TBXAS1: variants seen among roughly 807,000 people sequenced by gnomAD.
The protein encoded by TBXAS1 is thromboxane A synthase 1.
In TBXAS1, 48 loss-of-function variants were observed where a neutral mutation model predicts 60.7. That is an observed-to-expected ratio of 0.79 (90% CI 0.63 to 1.01). The LOEUF is 1.01. Among genes scored for constraint, TBXAS1 ranks in the 50% least tolerant of loss-of-function variants. The pLI is 0.00. For synonymous variants in TBXAS1, 287 were observed against 269.7 expected (o/e 1.06, Z -0.63); for missense variants, 685 against 686.3 (o/e 1.00, Z 0.02).
intron 6 of TBXAS1, 45 bp downstream of exon 6, chr7:139,953,501 C>T (rs1173150739): frequency 6.4e-7 from 1 of 1,561,320 alleles, no homozygotes; most frequent in Non-Finnish European, 8.8e-7. Flanking sequence ...TTTTGAATCA[C>T]TGCTTCTTGT....
intron 4 of TBXAS1, among the ~76,000 whole-genome samples, chr7:139,822,122 G>C (rs1339675119): frequency 6.6e-6 from 1 of 152,164 alleles, no homozygotes; most frequent in African/African-American, 2.4e-5. Flanking sequence ...ATCATTTTGG[G>C]TTCTAAGATT....
chr7:139,895,235 G>A (rs565971003), intron 3 of TBXAS1, among the ~76,000 whole-genome samples: 1 of 152,354 alleles, frequency 6.6e-6, no homozygotes, highest in East Asian at 1.9e-4. Context: ...GGGAATGGAA[G>A]TTGTGGCTGG....
At chr7:139,979,946 C>T (rs951022843) in intron 9 of TBXAS1, among the ~76,000 whole-genome samples, 5 of 150,820 alleles carry the variant, frequency 3.3e-5, no homozygotes, top group Admixed American at 6.6e-5. Flanking sequence ...TTTTTCCTCA[C>T]GTAAAATCCA....
At chr7:139,805,689 T>C (rs1797836441) in intron 4 of TBXAS1, among the ~76,000 whole-genome samples, 1 of 34,834 alleles carries the variant, frequency 2.9e-5, no homozygotes, top group South Asian at 1.4e-3. Flanking sequence ...TTTCTTTCTT[T>C]CTTTCTTTCT....
At chr7:139,991,442 C>A (rs1031543474) in intron 9 of TBXAS1, among the ~76,000 whole-genome samples, 1 of 151,962 alleles carries the variant, frequency 6.6e-6, no homozygotes, top group Non-Finnish European at 1.5e-5. Flanking sequence ...CACCCCAGAA[C>A]AATGCTCTGT....
intron 1 of TBXAS1, among the ~76,000 whole-genome samples, chr7:139,868,178 T>C (rs1259660471): frequency 4.6e-5 from 7 of 152,228 alleles, no homozygotes; most frequent in African/African-American, 1.4e-4. Flanking sequence ...AGGAAACCCA[T>C]TGTAAACATC....
chr7:139,960,690 G>A (rs1237491900), intron 8 of TBXAS1, among the ~76,000 whole-genome samples: 4 of 149,354 alleles, frequency 2.7e-5, no homozygotes, highest in African/African-American at 9.9e-5. Flanking sequence ...AGGTTGCAGT[G>A]AGCCAAGATC....
chr7:139,956,658 G>A (rs932990866), intron 7 of TBXAS1, among the ~76,000 whole-genome samples: 4 of 152,216 alleles, frequency 2.6e-5, no homozygotes, highest in Non-Finnish European at 5.9e-5. Context: ...TCACCTCACT[G>A]GCTCCGCCCT....
rs577924791 is a variant in TBXAS1 at position 139,975,019 on chromosome 7, T to C, written c.1134+12786T>C. On this transcript the variant is annotated intron_variant, in intron 9 of 12. Coordinates refer to ENST00000448866, the MANE Select transcript of TBXAS1 (RefSeq NM_001061.7). This position sits in a 1 kb window ranked among gnomAD's most constrained non-coding sequence, Gnocchi z 4.4. The stretch of plus-strand genomic sequence containing the variant: ...CATGTAATTTATGGAGTTTGGCAAG[T>C]GTGAAGTCTGCAGGGCAGGCTGGCA... Among the ~76,000 whole-genome samples, 1 of 152,152 alleles carries C rather than the reference T, an allele frequency of 6.6e-6. No individual in the cohort carries two copies. Among genetic ancestry groups the C allele is most frequent in the African/African-American group, 2.4e-5 (1 of 41,420 alleles).
At chr7:139,884,462 C>T (rs2299889) in intron 3 of TBXAS1, among the ~76,000 whole-genome samples, 65,896 of 151,988 alleles carry the variant, frequency 0.43, 14,387 homozygotes, top group South Asian at 0.56. Flanking sequence ...TCCCAGGGAG[C>T]TGGAGCAGCA....
chr7:139,927,276 G>A (rs935775348), intron 4 of TBXAS1, among the ~76,000 whole-genome samples: 1 of 151,874 alleles, frequency 6.6e-6, no homozygotes, highest in African/African-American at 2.4e-5. Flanking sequence ...TTACAGGCAT[G>A]AAAATAGACA....
At chr7:139,787,856 G>A (rs1410196472) in intron 4 of TBXAS1, among the ~76,000 whole-genome samples, 1 of 152,104 alleles carries the variant, frequency 6.6e-6, no homozygotes, top group Admixed American at 6.5e-5. Flanking sequence ...GTTTTTAAAT[G>A]TATTGAATAA....
At chr7:139,908,077 A>C (rs1805245414) in intron 3 of TBXAS1, among the ~76,000 whole-genome samples, 1 of 151,230 alleles carries the variant, frequency 6.6e-6, no homozygotes, top group African/African-American at 2.4e-5. Context: ...AGGTTTATCC[A>C]TTTTATTGAT....
At chr7:139,962,331 T>C (rs1810439706) in intron 9 of TBXAS1, 98 bp downstream of exon 9, 38 of 1,406,138 alleles carry the variant, frequency 2.7e-5, no homozygotes, top group Non-Finnish European at 3.8e-5. Flanking sequence ...CTTGCTAATA[T>C]CACATTCTAA....
At chr7:139,964,511 C>T (rs1419555432) in intron 9 of TBXAS1, among the ~76,000 whole-genome samples, 5 of 152,210 alleles carry the variant, frequency 3.3e-5, no homozygotes, top group African/African-American at 9.6e-5. Context: ...GGGAAGGTGA[C>T]TTCTCAAGGG....
chr7:139,934,417 A>C lies in TBXAS1; in HGVS notation c.334-1774A>C, dbSNP rs909813563. On this transcript the variant is annotated intron_variant, in intron 4 of 12. Coordinates refer to ENST00000448866, the MANE Select transcript of TBXAS1 (RefSeq NM_001061.7). ...TGGCCAGGCTGGTCTCAAACTCCTGACCTCAGGTGATCCACCCGCCTCAGC... is the reference window on the plus strand; with the variant it reads ...TGGCCAGGCTGGTCTCAAACTCCTGCCCTCAGGTGATCCACCCGCCTCAGC... Among the ~76,000 whole-genome samples, 101 of 151,962 alleles carry C rather than the reference A, an allele frequency of 6.6e-4. 1 individual carries two copies. Among genetic ancestry groups the C allele is most frequent in the South Asian group, 4.6e-3 (22 of 4,788 alleles).
At chr7:139,884,356 G>GACAT (rs1221752794) in intron 3 of TBXAS1, among the ~76,000 whole-genome samples, 5 of 152,226 alleles carry the variant, frequency 3.3e-5, no homozygotes, top group African/African-American at 1.2e-4. Flanking sequence ...GACCATTTAA[G>GACAT]ACATCTCTCT....
At chr7:139,781,749 C>T (rs905601542) in intron 2 of TBXAS1, among the ~76,000 whole-genome samples, 18 of 144,218 alleles carry the variant, frequency 1.2e-4, no homozygotes, top group African/African-American at 1.8e-4. Flanking sequence ...ATAGGATAAT[C>T]GCTTGAACCC....
At chr7:139,998,764 A>G (rs1010007337) in intron 9 of TBXAS1, among the ~76,000 whole-genome samples, 6 of 152,216 alleles carry the variant, frequency 3.9e-5, no homozygotes, top group African/African-American at 1.4e-4. Context: ...ATCATGGAGA[A>G]GACTGATGCC....
Sources: gnomAD v4.1 joint callset for allele counts (sites outside exome capture counted in the v4.1 genomes callset) on GRCh38, gnomAD v4.1.1 for gene constraint, Gnocchi (gnomAD v3.1) non-coding constraint, MANE v1.5 for transcripts, NCBI Gene and HGNC (gene_info 2026-07-23, HGNC 2026-07-21) for gene names.